Variants in SRD5A1 observed in about 807,000 individuals in gnomAD.
The protein encoded by SRD5A1 is steroid 5 alpha-reductase 1.
Under a neutral mutation model 28.2 loss-of-function variants are expected in SRD5A1, and 22 were observed. That is an observed-to-expected ratio of 0.78 (90% CI 0.56 to 1.12). The LOEUF is 1.12. SRD5A1 is among the 50% of genes most tolerant of loss of function. SRD5A1 has a pLI of 0.00. For missense variants in SRD5A1, 300 were observed against 346.7 expected (o/e 0.87, Z 1.07); for synonymous variants, 151 against 135.0 (o/e 1.12, Z -0.82).
At chr5:6,660,438 A>G (rs1472642425) in intron 3 of SRD5A1, among the ~76,000 whole-genome samples, 2 of 152,242 alleles carry the variant, frequency 1.3e-5, no homozygotes, top group East Asian at 3.8e-4. Context: ...GGTATGGTAC[A>G]AAGGTCCTTC....
In SRD5A1 at chr5:6,670,714, G is replaced by A. The variant is rs1308000361; in HGVS notation, c.*2446G>A. 5 of 152,128 alleles carry A rather than the reference G, an allele frequency of 3.3e-5. No homozygotes were observed. Among genetic ancestry groups the A allele is most frequent in the Admixed American group, 3.3e-4 (5 of 15,284 alleles). The allele number at this position is 152,128 out of a possible 1,614,324, so 9.4% of individuals were successfully genotyped here. On this transcript the variant is annotated 3_prime_UTR_variant, in exon 5 of 5. Coordinates refer to ENST00000274192, the MANE Select transcript of SRD5A1 (RefSeq NM_001047.4). ...GTAGAAAAAAATAACAAGAATAAAA[G>A]CAAGGAAAAGGGAAGGGACCCTCAC...
At chr5:6,664,761 C>A (rs1272308422) in intron 4 of SRD5A1, among the ~76,000 whole-genome samples, 3 of 152,218 alleles carry the variant, frequency 2.0e-5, no homozygotes, top group Non-Finnish European at 4.4e-5. Flanking sequence ...AAGAGCAGCG[C>A]CCCGCATTCT....
rs572195204 is a variant in SRD5A1, at chr5:6,651,395, C to T, written c.294-447C>T. On this transcript the variant is annotated intron_variant, in intron 1 of 4. Coordinates refer to ENST00000274192, the MANE Select transcript of SRD5A1 (RefSeq NM_001047.4). ...CTTTTTGGCTGGATACAGTGGCTCA[C>T]GCCTATAATCCCAACATTTTGGGAC... 8.5e-4 allele frequency among the ~76,000 whole-genome samples: 129 copies of T among 152,272 alleles called. 1 individual carries two copies. Among genetic ancestry groups the T allele is most frequent in the Non-Finnish European group, 1.5e-3 (99 of 68,028 alleles).
In SRD5A1 at chr5:6,661,632, A is replaced by G. The variant is rs531564345; in HGVS notation, c.563-1184A>G. Among the ~76,000 whole-genome samples the G allele has an allele frequency of 1.0e-4, 15 of 147,338 alleles. No individual in the cohort carries two copies. In the South Asian group the frequency reaches 2.6e-3, roughly 25 times the overall value. ...ATTGCAACCTCTGCCTCCTGGGTTC[A>G]AGCGATTCTCATGCGTCAGCCTCCC... On this transcript the variant is annotated intron_variant, in intron 3 of 4. Transcript: ENST00000274192.
intron 1 of SRD5A1, among the ~76,000 whole-genome samples, chr5:6,651,520 T>G (rs1316727878): frequency 6.6e-6 from 1 of 151,888 alleles, no homozygotes; most frequent in Non-Finnish European, 1.5e-5. Flanking sequence ...TAATAATAAG[T>G]GTGGTGGCAC....
Position 6,673,917 on chromosome 5 carries a change from A to G in SRD5A1, c.*5649A>G, listed in dbSNP as rs1055989734. On this transcript the variant is annotated 3_prime_UTR_variant, in exon 5 of 5. Transcript: ENST00000274192. ...ATAACATTCTGAAAAAGGCACAACT[A>G]TGGAGACAATAAAAAGAACAGAGTT... is the stretch of plus-strand genomic sequence containing the variant. The G allele has an allele frequency of 6.6e-6, 1 of 152,220 alleles. No homozygotes were observed. The highest frequency in any genetic ancestry group is 2.4e-5 in the African/African-American group (1 of 41,462). The allele number at this position is 152,220 out of a possible 1,614,324, so 9.4% of individuals were successfully genotyped here. A position where few individuals can be genotyped will look rare whatever the true frequency, so the allele number is the denominator to read the frequency against.
chr5:6,661,918 G>A (rs1239907207), intron 3 of SRD5A1, among the ~76,000 whole-genome samples: 1 of 152,126 alleles, frequency 6.6e-6, no homozygotes, highest in Non-Finnish European at 1.5e-5. Flanking sequence ...TGGAACCTGG[G>A]GCAGATCACA....
rs946505803 is a variant in SRD5A1 at position 6,650,505 on chromosome 5, A to G, written c.294-1337A>G. 5.9e-5 allele frequency among the ~76,000 whole-genome samples: 9 copies of G among 152,184 alleles called. No individual in the cohort carries two copies. The East Asian group carries it at 1.7e-3, about 29-fold the overall frequency. On this transcript the variant is annotated intron_variant, in intron 1 of 4. Coordinates refer to ENST00000274192, the MANE Select transcript of SRD5A1 (RefSeq NM_001047.4). ...TTCAATGTGTTATACACTTATATTAAAAAGAAAATTCAAACAGAGAATAAC... is the reference window on the plus strand; with the variant it reads ...TTCAATGTGTTATACACTTATATTAGAAAGAAAATTCAAACAGAGAATAAC...
At chr5:6,655,607 C>T (rs1469517093) in intron 2 of SRD5A1, among the ~76,000 whole-genome samples, 2 of 152,262 alleles carry the variant, frequency 1.3e-5, no homozygotes, top group African/African-American at 2.4e-5. Flanking sequence ...CTCCTAGGAA[C>T]TGCCACCCTT....
chr5:6,642,195 C>T (rs1164737180), intron 1 of SRD5A1, among the ~76,000 whole-genome samples: 2 of 131,268 alleles, frequency 1.5e-5, no homozygotes, highest in African/African-American at 3.1e-5. Flanking sequence ...CTATTATCAA[C>T]ATCTATTGTA....
At position 6,662,885 on chromosome 5, in the gene SRD5A1, T is replaced by C. The variant is rs757960151; in HGVS notation, c.632T>C (p.Leu211Pro). Reference protein sequence around the residue: ...GEIMEWCGYALASWSVQGAAF... With the variant: ...GEIMEWCGYAPASWSVQGAAF... ...ATCATGGAGTGGTGTGGCTATGCCC[T>C]GGCCAGCTGGTCTGTCCAAGGCGCG... Residue 211 changes from leucine to proline, a missense_variant, in exon 4 of 5, where the codon CTG (leucine) becomes CCG (proline). Around this residue, in one of 2 missense-constraint regions of SRD5A1, gnomAD observed 126 missense variants for 185.7 expected, o/e 0.68. Coordinates refer to ENST00000274192, the MANE Select transcript of SRD5A1 (RefSeq NM_001047.4). 46 of 1,613,504 alleles carry C rather than the reference T, an allele frequency of 2.9e-5. No homozygotes were observed. Among genetic ancestry groups the C allele is most frequent in the Non-Finnish European group, 3.7e-5 (44 of 1,180,058 alleles).
At chr5:6,638,885 G>A (rs1021104249) in intron 1 of SRD5A1, among the ~76,000 whole-genome samples, 8 of 152,190 alleles carry the variant, frequency 5.3e-5, no homozygotes, top group African/African-American at 1.9e-4. Flanking sequence ...ATGGTCTCAC[G>A]TTGTTAGGGG....
At chr5:6,655,952 G>A in intron 2 of SRD5A1, 126 bp from the exon 3 acceptor site, 1 of 698,124 alleles carries the variant, frequency 1.4e-6, no homozygotes, top group Non-Finnish European at 2.5e-6. Context: ...TACCAGTTAT[G>A]GCTAATATGT....
chr5:6,645,054 TC>T (rs1330105777), intron 1 of SRD5A1: 1 of 453,830 alleles, frequency 2.2e-6, no homozygotes, highest in African/African-American at 2.0e-5. Context: ...TATGAAGTCT[TC>T]CTAGGGGTCC....
intron 1 of SRD5A1, among the ~76,000 whole-genome samples, chr5:6,638,080 T>A (rs751853645): frequency 6.6e-6 from 1 of 152,232 alleles, no homozygotes; most frequent in Non-Finnish European, 1.5e-5. Context: ...GGCTCATGCC[T>A]GTAATCCCAG....
intron 3 of SRD5A1, among the ~76,000 whole-genome samples, chr5:6,661,051 C>G (rs1333138051): frequency 1.3e-5 from 2 of 152,118 alleles, no homozygotes; most frequent in Admixed American, 1.3e-4. Flanking sequence ...GATCACACTT[C>G]AAGATGAGAT....
At chr5:6,661,732 C>T (rs1467876055) in intron 3 of SRD5A1, among the ~76,000 whole-genome samples, 1 of 152,058 alleles carries the variant, frequency 6.6e-6, no homozygotes, top group African/African-American at 2.4e-5. Flanking sequence ...AAGGTTTCAC[C>T]ATGTTGGCCA....
rs777428493 is a variant in SRD5A1 at position 6,669,598 on chromosome 5, C to T, written c.*1330C>T. ...CAAATTCTTTTACTAATTGTTACAT[C>T]GAAACATTCTTTCATCATATTTCCT... On this transcript the variant is annotated 3_prime_UTR_variant, in exon 5 of 5. Coordinates refer to ENST00000274192, the MANE Select transcript of SRD5A1 (RefSeq NM_001047.4). 2.0e-5 allele frequency: 3 copies of T among 152,134 alleles called. No individual in the cohort carries two copies. The highest frequency in any genetic ancestry group is 7.2e-5 in the African/African-American group (3 of 41,422). 9.4% of individuals were successfully genotyped at this position (152,134 alleles called of 1,614,324 possible). A position where few individuals can be genotyped will look rare whatever the true frequency, so the allele number is the denominator to read the frequency against.
intron 3 of SRD5A1, 41 bp from the exon 4 acceptor site, chr5:6,662,775 T>A: frequency 6.3e-7 from 1 of 1,592,918 alleles, no homozygotes. Context: ...CGTATTTCAT[T>A]TTGTAGTAAA....
Sources: gnomAD v4.1 joint callset for allele counts (sites outside exome capture counted in the v4.1 genomes callset) on GRCh38, gnomAD v4.1.1 for gene constraint, gnomAD v4.1.1 regional missense constraint, MANE v1.5 for transcripts, NCBI Gene and HGNC (gene_info 2026-07-23, HGNC 2026-07-21) for gene names.